The following SPAG16 variants were observed in gnomAD, a reference collection of about 807,000 sequenced individuals.
SPAG16 encodes sperm associated antigen 16.
SPAG16 carries 86 observed loss-of-function variants against 80.4 expected under a neutral mutation model. The ratio of observed to expected loss-of-function variants is 1.07; its 90% CI spans 0.90 to 1.28. The LOEUF (loss-of-function observed/expected upper bound fraction) is 1.28. SPAG16 is among the 50% of genes most tolerant of loss of function. The pLI, the probability that SPAG16 is intolerant of heterozygous loss-of-function variation, is 0.00. For missense variants in SPAG16, 870 were observed against 765.3 expected (o/e 1.14, Z -1.61); for synonymous variants, 294 against 265.9 (o/e 1.11, Z -1.03).
At chr2:213,777,991 A>G (rs895160341) in intron 10 of SPAG16, among the ~76,000 whole-genome samples, 7 of 152,146 alleles carry the variant, frequency 4.6e-5, no homozygotes. Flanking sequence ...TTTGCTCTTG[A>G]GATTATAATA....
intron 9 of SPAG16, among the ~76,000 whole-genome samples, chr2:213,447,971 G>T (rs2071439957): frequency 6.6e-6 from 1 of 152,218 alleles, no homozygotes; most frequent in African/African-American, 2.4e-5. Context: ...TACTTTAATT[G>T]CTGTGATCAT....
Position 214,278,056 on chromosome 2 carries a change from G to A in SPAG16, c.1720+128790G>A, listed in dbSNP as rs573200354. On this transcript the variant is annotated intron_variant, in intron 15 of 15. Coordinates refer to ENST00000331683, the MANE Select transcript of SPAG16 (RefSeq NM_024532.5). ...CTGCCAGGCTGCTGCCTCGCAGGTC[G>A]CAGGTCAATCTCAGACTGCTGCACT... is the stretch of plus-strand genomic sequence containing the variant. Among the ~76,000 whole-genome samples the A allele has an allele frequency of 1.1e-4, 16 of 152,262 alleles. No homozygotes were observed. In the East Asian group the frequency reaches 1.7e-3, roughly 17 times the overall value.
At chr2:213,917,798 C>T (rs569143774) in intron 11 of SPAG16, among the ~76,000 whole-genome samples, 34 of 152,140 alleles carry the variant, frequency 2.2e-4, no homozygotes, top group African/African-American at 7.7e-4. Context: ...ATGGCTGGAA[C>T]TTTGAATATT....
At chr2:213,992,834 G>A (rs2046349541) in intron 12 of SPAG16, among the ~76,000 whole-genome samples, 1 of 152,132 alleles carries the variant, frequency 6.6e-6, no homozygotes, top group Non-Finnish European at 1.5e-5. Flanking sequence ...ATAAAAGTTG[G>A]CCTTATAATA....
rs147925331 is a variant in SPAG16, at chr2:214,029,996, A to T, written c.1527+15919A>T. On this transcript the variant is annotated intron_variant, in intron 13 of 15. Coordinates refer to ENST00000331683, the MANE Select transcript of SPAG16 (RefSeq NM_024532.5). ...TATTTTAGTGGTAAGAACAATCAAC[A>T]TGAGATCTAGTCTCTCAACCTAATT... 2.0e-4 allele frequency among the ~76,000 whole-genome samples: 30 copies of T among 152,268 alleles called. No homozygotes were observed. The East Asian group carries it at 5.4e-3, about 27-fold the overall frequency.
At position 214,290,327 on chromosome 2, in the gene SPAG16, A is replaced by G. The variant is rs1235647547; in HGVS notation, c.1721-119813A>G. Among the ~76,000 whole-genome samples, 7 of 151,654 alleles carry G rather than the reference A, an allele frequency of 4.6e-5. No homozygotes were observed. In the East Asian group the frequency reaches 1.4e-3, roughly 29 times the overall value. Reference sequence around the variant, plus strand: ...TTCTTCACAGCAATATTGGCCTGTAATTTTGTTTTGTTTTGTTGAATGTGT... The same window carrying G: ...TTCTTCACAGCAATATTGGCCTGTAGTTTTGTTTTGTTTTGTTGAATGTGT... On this transcript the variant is annotated intron_variant, in intron 15 of 15. Transcript: ENST00000331683.
intron 13 of SPAG16, among the ~76,000 whole-genome samples, chr2:214,107,519 A>G (rs964361691): frequency 1.3e-5 from 2 of 152,176 alleles, no homozygotes; most frequent in Admixed American, 6.6e-5. Context: ...TTAGATATTT[A>G]GATCCCTATT....
At chr2:213,740,173 T>G (rs1421394319) in intron 10 of SPAG16, among the ~76,000 whole-genome samples, 1 of 152,194 alleles carries the variant, frequency 6.6e-6, no homozygotes, top group Non-Finnish European at 1.5e-5. Flanking sequence ...ATCAGAGATG[T>G]AGCTGTAAGA....
In SPAG16 at chr2:213,310,080, T is replaced by C. The variant is rs1012954128; in HGVS notation, c.301T>C (p.Ser101Pro). 4.4e-6 allele frequency: 7 copies of C among 1,607,946 alleles called. No individual in the cohort carries two copies. The African/African-American group carries it at 9.4e-5, about 22-fold the overall frequency. The part of the protein sequence containing the change: ...EILERKTVLP[S>P]KHAVPEVIED... ...TCAGGAACGGAAAACAGTTCTTCCT[T>C]CAAAGCATGCAGTACCTGAAGTAAT... The change falls in exon 4 of 16, where the codon TCA becomes CCA. Residue 101 changes from serine (S) to proline (P), a missense_variant. Ser to Pro is a moderately conservative substitution (Grantham distance 74). Coordinates refer to ENST00000331683, the MANE Select transcript of SPAG16 (RefSeq NM_024532.5).
At chr2:214,296,248 T>C (rs1342538665) in intron 15 of SPAG16, among the ~76,000 whole-genome samples, 1 of 152,224 alleles carries the variant, frequency 6.6e-6, no homozygotes, top group Non-Finnish European at 1.5e-5. Flanking sequence ...TTTTTTATGG[T>C]TGCATAGAAT....
chr2:214,177,971 G>GTATATATATATATA (rs34460783), intron 15 of SPAG16, among the ~76,000 whole-genome samples: 8 of 59,326 alleles, frequency 1.3e-4, no homozygotes, highest in East Asian at 7.2e-4. Context: ...CAAAGTGTAT[G>GTATATATATATATA]TATATATATA....
intron 12 of SPAG16, among the ~76,000 whole-genome samples, chr2:214,003,128 C>T (rs572313269): frequency 6.6e-6 from 1 of 152,224 alleles, no homozygotes; most frequent in African/African-American, 2.4e-5. Context: ...CAATGTATAC[C>T]ATTTTCCCGT....
At chr2:213,603,964 G>T (rs1344150996) in intron 10 of SPAG16, among the ~76,000 whole-genome samples, 1 of 150,502 alleles carries the variant, frequency 6.6e-6, no homozygotes. Flanking sequence ...CACTAAGTTG[G>T]CCAGGCTGAA....
chr2:213,881,183 G>A (rs2076331102), intron 11 of SPAG16, among the ~76,000 whole-genome samples: 1 of 152,050 alleles, frequency 6.6e-6, no homozygotes, highest in South Asian at 2.1e-4. Context: ...TCATCTCCTT[G>A]GTTAGCTGTA....
intron 15 of SPAG16, among the ~76,000 whole-genome samples, chr2:214,319,404 G>A (rs1175319944): frequency 1.3e-5 from 2 of 151,756 alleles, no homozygotes; most frequent in Non-Finnish European, 2.9e-5. Context: ...TGGGCTGTGT[G>A]GGAGAGAAGA....
intron 10 of SPAG16, among the ~76,000 whole-genome samples, chr2:213,784,693 C>T (rs1203917652): frequency 6.9e-6 from 1 of 144,912 alleles, no homozygotes; most frequent in African/African-American, 2.5e-5. Flanking sequence ...ATGCTGTTTG[C>T]TCTCTAAGAG....
At chr2:213,968,554 G>T (rs2106372815) in intron 12 of SPAG16, among the ~76,000 whole-genome samples, 1 of 152,280 alleles carries the variant, frequency 6.6e-6, no homozygotes, top group East Asian at 1.9e-4. Flanking sequence ...GAATTCATTG[G>T]GCTTAGATTC....
chr2:213,394,039 TTTA>T (rs1397464708), intron 9 of SPAG16, among the ~76,000 whole-genome samples: 1 of 152,158 alleles, frequency 6.6e-6, no homozygotes, highest in Non-Finnish European at 1.5e-5. Context: ...TTTCTGTTTC[TTTA>T]TTATTTTTTC....
intron 9 of SPAG16, among the ~76,000 whole-genome samples, chr2:213,488,016 T>C (rs1356919770): frequency 2.0e-5 from 3 of 152,056 alleles, no homozygotes; most frequent in Non-Finnish European, 2.9e-5. Flanking sequence ...ATTTTTTCCA[T>C]AGGCTTTTTA....
Sources: gnomAD v4.1 joint callset for allele counts (sites outside exome capture counted in the v4.1 genomes callset) on GRCh38, gnomAD v4.1.1 for gene constraint, MANE v1.5 for transcripts, NCBI Gene and HGNC (gene_info 2026-07-23, HGNC 2026-07-21) for gene names.